Variants in CACNA1A observed in about 807,000 individuals in gnomAD.
The protein encoded by CACNA1A is voltage-dependent P/Q-type calcium channel subunit alpha-1A.
A neutral mutation model predicts 262.4 loss-of-function variants in CACNA1A; 57 were observed. The observed-to-expected ratio is 0.22, with a 90% CI of 0.18 to 0.27. The LOEUF (loss-of-function observed/expected upper bound fraction) is 0.27. CACNA1A is among the 10% of genes least tolerant of loss of function. The pLI is 1.00. For synonymous variants in CACNA1A, 1,431 were observed against 1,419.3 expected (o/e 1.01, Z -0.18); for missense variants, 2,526 against 3,562.8 (o/e 0.71, Z 7.41).
intron 27 of CACNA1A, chr19:13,257,878 C>T (rs748966194): frequency 5.7e-5 from 10 of 176,748 alleles, no homozygotes; most frequent in East Asian, 3.0e-4. Flanking sequence ...GCTGGGATTA[C>T]AGACATGCGC....
At chr19:13,246,223 G>A (rs1490461001) in intron 30 of CACNA1A, among the ~76,000 whole-genome samples, 1 of 152,232 alleles carries the variant, frequency 6.6e-6, no homozygotes, top group African/African-American at 2.4e-5. Context: ...GAGGCGGACA[G>A]TAACAGGGTG....
chr19:13,346,165 G>A (rs1173142029), intron 6 of CACNA1A, among the ~76,000 whole-genome samples: 1 of 152,168 alleles, frequency 6.6e-6, no homozygotes. Context: ...GCCTCCCAAA[G>A]TGCTGGGATT....
intron 18 of CACNA1A, among the ~76,000 whole-genome samples, chr19:13,300,206 C>T (rs929776312): frequency 3.3e-5 from 5 of 152,318 alleles, no homozygotes; most frequent in Admixed American, 6.5e-5. Flanking sequence ...TTTGCTATTT[C>T]CCTCCCCTAC....
chr19:13,402,735 TATATATAC>T (rs2059917829), intron 3 of CACNA1A, among the ~76,000 whole-genome samples: 1 of 144,194 alleles, frequency 6.9e-6, no homozygotes, highest in African/African-American at 2.6e-5. Flanking sequence ...TATATATACA[TATATATAC>T]ACATATATAT....
chr19:13,393,034 G>C (rs549316250), intron 3 of CACNA1A, among the ~76,000 whole-genome samples: 153 of 152,326 alleles, frequency 1.0e-3, no homozygotes, highest in African/African-American at 3.6e-3. Context: ...CTCCCAAAGT[G>C]CTGGGATTAC....
At chr19:13,296,867 C>T (rs2057676869) in intron 19 of CACNA1A, among the ~76,000 whole-genome samples, 1 of 152,208 alleles carries the variant, frequency 6.6e-6, no homozygotes, top group African/African-American at 2.4e-5. Context: ...TCCAGTGACC[C>T]TCCTGCCTCA....
At chr19:13,297,055 T>C (rs930568064) in intron 19 of CACNA1A, among the ~76,000 whole-genome samples, 6 of 152,302 alleles carry the variant, frequency 3.9e-5, no homozygotes, top group African/African-American at 1.2e-4. Context: ...AGAATAGCAT[T>C]AGGTAAATAG....
Position 13,212,811 on chromosome 19 carries a change from T to A in CACNA1A, c.5941-71A>T. On this transcript the variant is annotated intron_variant, in intron 40 of 46. Coordinates refer to ENST00000360228, the MANE Select transcript of CACNA1A (RefSeq NM_001127222.2). The surrounding 1 kb of genome is among the most constrained non-coding windows in gnomAD (Gnocchi z 5.6). ...TGGGACGGTGGTACCCAGAAGGCAT[T>A]GCGACATCCCCAGTATACACACACA... is the stretch of plus-strand genomic sequence containing the variant. 3.0e-6 allele frequency: 2 copies of A among 672,196 alleles called. No individual in the cohort carries two copies. The highest frequency in any genetic ancestry group is 4.9e-6 in the Non-Finnish European group (2 of 405,734). 41.6% of individuals were successfully genotyped at this position (672,196 alleles called of 1,614,324 possible).
chr19:13,480,679 T>C (rs1363225637), intron 1 of CACNA1A, among the ~76,000 whole-genome samples: 1 of 152,144 alleles, frequency 6.6e-6, no homozygotes, highest in African/African-American at 2.4e-5. Context: ...TTAAAATTTC[T>C]AAAAAATAGA....
In CACNA1A at chr19:13,208,807, CTGGTCCCGAGCCCGTGCCCGGCCG is replaced by C; in HGVS notation, c.6705_6728del (p.His2235_Asp2242del). The C allele has an allele frequency of 6.5e-7, 1 of 1,535,466 alleles. No homozygotes were observed. Among genetic ancestry groups the C allele is most frequent in the Non-Finnish European group, 8.7e-7 (1 of 1,149,184 alleles). ...CCTCGCTGGGCGAGCGGGACCAGCG[CTGGTCCCGAGCCCGTGCCCGGCCG>C]TGGTCCGGCCGTTCCTGGGCATAGC... On this transcript the variant is annotated inframe_deletion, in exon 46 of 47. Coordinates refer to ENST00000360228, the MANE Select transcript of CACNA1A (RefSeq NM_001127222.2).
intron 1 of CACNA1A, among the ~76,000 whole-genome samples, chr19:13,466,486 A>G (rs1163277043): frequency 6.6e-6 from 1 of 150,684 alleles, no homozygotes; most frequent in Non-Finnish European, 1.5e-5. Context: ...GACTGCAGGC[A>G]CCCACCACCA....
At position 13,428,690 on chromosome 19, in the gene CACNA1A, G is replaced by A. The variant is rs532924164; in HGVS notation, c.539+24186C>T. ...TGTGAAGGGAAAAGCCAGAATTTTC[G>A]CCACGTCCACTGGGATTCCCAAATC... is the stretch of plus-strand genomic sequence containing the variant. On this transcript the variant is annotated intron_variant, in intron 3 of 46. Transcript: ENST00000360228. Among the ~76,000 whole-genome samples the A allele has an allele frequency of 7.2e-5, 11 of 152,114 alleles. No individual in the cohort carries two copies. In the East Asian group the frequency reaches 1.9e-3, roughly 27 times the overall value.
chr19:13,436,199 G>C (rs1032785981), intron 3 of CACNA1A, among the ~76,000 whole-genome samples: 2 of 152,098 alleles, frequency 1.3e-5, no homozygotes, highest in African/African-American at 4.8e-5. Context: ...TCGCTTTTTC[G>C]AAGCACTCAG....
rs33970596 is a variant in CACNA1A at position 13,276,697 on chromosome 19, CT to C, written c.3882+371del. 3.4e-4 allele frequency among the ~76,000 whole-genome samples: 43 copies of C among 125,440 alleles called. 1 individual carries two copies. The highest frequency in any genetic ancestry group is 1.6e-3 in the South Asian group (6 of 3,766). 82.3% of individuals were successfully genotyped at this position (125,440 alleles called of 152,430 possible). ...CTCAGGATCTCCTGGAATCCCAGCT[CT>C]TTTTTTTTTTTTTTTTTTTGACAGA... On this transcript the variant is annotated intron_variant, in intron 23 of 46. Transcript: ENST00000360228.
In CACNA1A at chr19:13,234,731, TCCCCTACCGGAAGAGAAGGGCACGC is replaced by T. The variant is rs202051301; in HGVS notation, c.5249+165_5249+189del. 0.17 allele frequency: 95,934 copies of T among 570,894 alleles called. 12,207 individuals carry two copies. Among genetic ancestry groups the T allele is most frequent in the East Asian group, 0.61 (21,022 of 34,388 alleles). The allele number at this position is 570,894 out of a possible 1,614,324, so 35.4% of individuals were successfully genotyped here. On this transcript the variant is annotated intron_variant, in intron 34 of 46. Transcript: ENST00000360228. ...CCTATCGGAAGAGAAGGCCGGCACG[TCCCCTACCGGAAGAGAAGGGCACGC>T]CCCCTACCGGAAAAGAAGGGTGAGG...
intron 37 of CACNA1A, chr19:13,226,126 A>G (rs1221988927): frequency 6.6e-6 from 1 of 152,052 alleles, no homozygotes; most frequent in African/African-American, 2.4e-5. Context: ...AAATTTGCAC[A>G]AAGTTGTCTT....
At chr19:13,444,993 AC>A (rs939146717) in intron 3 of CACNA1A, among the ~76,000 whole-genome samples, 1 of 151,878 alleles carries the variant, frequency 6.6e-6, no homozygotes, top group Non-Finnish European at 1.5e-5. Flanking sequence ...CAAAAAAATT[AC>A]CCGGGCTTGG....
At chr19:13,224,617 C>T (rs147309110) in intron 38 of CACNA1A, 50 bp downstream of exon 38, 15 of 1,270,732 alleles carry the variant, frequency 1.2e-5, no homozygotes, top group Admixed American at 5.9e-5. Context: ...GGGAGATCCC[C>T]GGTTCCACCC....
At chr19:13,440,613 T>C (rs1441681813) in intron 3 of CACNA1A, among the ~76,000 whole-genome samples, 1 of 152,180 alleles carries the variant, frequency 6.6e-6, no homozygotes, top group Admixed American at 6.5e-5. Flanking sequence ...TCACTGACTT[T>C]TACCTTTTGA....
Sources: gnomAD v4.1 joint callset for allele counts (sites outside exome capture counted in the v4.1 genomes callset) on GRCh38, gnomAD v4.1.1 for gene constraint, Gnocchi (gnomAD v3.1) non-coding constraint, MANE v1.5 for transcripts, NCBI Gene and HGNC (gene_info 2026-07-23, HGNC 2026-07-21) for gene names.